GPC6: variants seen among roughly 807,000 people sequenced by gnomAD.
GPC6 encodes the protein glypican 6, also known as glypican-6.
In GPC6, 14 loss-of-function variants were observed where a neutral mutation model predicts 55.2. That is an observed-to-expected ratio of 0.25 (90% CI 0.17 to 0.40). The LOEUF is 0.40. Ranked by LOEUF, GPC6 falls within the 10% of genes least tolerant of loss-of-function variation. The pLI is 1.00. For missense variants in GPC6, 641 were observed against 708.5 expected, an observed-to-expected ratio of 0.90 and a Z score of 1.08; for synonymous variants, 278 against 259.6, an observed-to-expected ratio of 1.07 and a Z score of -0.68.
Position 93,658,874 on chromosome 13 carries a change from A to G in GPC6, c.319+113453A>G, listed in dbSNP as rs191739135. Among the ~76,000 whole-genome samples, 362 of 152,010 alleles carry G rather than the reference A, an allele frequency of 2.4e-3. 2 individuals carry two copies. The Middle Eastern group carries it at 0.034, about 14-fold the overall frequency. On this transcript the variant is annotated intron_variant, in intron 2 of 8. Coordinates refer to ENST00000377047, the MANE Select transcript of GPC6 (RefSeq NM_005708.5). ...ATGATTGTCAGATTTCAGTATCAGC[A>G]TTATACGAGACTCATAAAATGAGTT...
chr13:94,113,042 T>G (rs1886306820), intron 4 of GPC6, among the ~76,000 whole-genome samples: 1 of 152,136 alleles, frequency 6.6e-6, no homozygotes, highest in South Asian at 2.1e-4. Flanking sequence ...CATAAAATGT[T>G]TTTTGAAAGA....
chr13:93,463,286 AAAAG>A (rs1334377823), intron 1 of GPC6, among the ~76,000 whole-genome samples: 6 of 152,206 alleles, frequency 3.9e-5, no homozygotes, highest in Non-Finnish European at 8.8e-5. Context: ...TTAATTGAAG[AAAAG>A]AAAGAAATAA....
At chr13:94,155,778 C>A (rs1459143701) in intron 4 of GPC6, among the ~76,000 whole-genome samples, 2 of 152,176 alleles carry the variant, frequency 1.3e-5, no homozygotes, top group African/African-American at 4.8e-5. Context: ...TTGACATAGA[C>A]ATTCGCCACC....
chr13:93,311,618 G>A (rs889662732), intron 1 of GPC6, among the ~76,000 whole-genome samples: 13 of 152,120 alleles, frequency 8.5e-5, no homozygotes, highest in Admixed American at 5.2e-4. Context: ...CTTTAAATTT[G>A]GGATTAATTT....
chr13:93,935,931 T>C (rs1878415164), intron 3 of GPC6, among the ~76,000 whole-genome samples: 3 of 152,304 alleles, frequency 2.0e-5, no homozygotes, highest in Admixed American at 2.0e-4. Context: ...CTCTGGATTT[T>C]TATCAGATTC....
intron 1 of GPC6, among the ~76,000 whole-genome samples, chr13:93,368,366 TTCCTTCCTTCCTTCCTTCCTTCCG>T (rs1288153446): frequency 9.1e-5 from 11 of 120,676 alleles, no homozygotes; most frequent in Non-Finnish European, 1.7e-4. Flanking sequence ...CCTTCCTTCC[TTCCTTCCTTCCTTCCTTCCTTCCG>T]TCCTTCCTTC....
At chr13:93,620,745 C>A (rs956268197) in intron 2 of GPC6, among the ~76,000 whole-genome samples, 1 of 152,150 alleles carries the variant, frequency 6.6e-6, no homozygotes, top group African/African-American at 2.4e-5. Context: ...GCAGAATTCC[C>A]TTTGATGAAC....
intron 4 of GPC6, among the ~76,000 whole-genome samples, chr13:94,082,834 A>T (rs1594721719): frequency 6.6e-6 from 1 of 152,336 alleles, no homozygotes; most frequent in South Asian, 2.1e-4. Context: ...TCCTGTAAAC[A>T]GTCACGGACA....
intron 1 of GPC6, among the ~76,000 whole-genome samples, chr13:93,487,446 G>A (rs1235929375): frequency 2.6e-5 from 4 of 152,004 alleles, no homozygotes; most frequent in Admixed American, 6.6e-5. Context: ...GCTAGTAAAC[G>A]TGTGTTATTA....
intron 2 of GPC6, among the ~76,000 whole-genome samples, chr13:93,729,053 T>G (rs1025066567): frequency 5.3e-5 from 8 of 152,154 alleles, no homozygotes; most frequent in African/African-American, 1.7e-4. Flanking sequence ...AGAATAAAAA[T>G]AATAAATCCT....
chr13:93,824,730 C>T (rs970081284), intron 2 of GPC6, among the ~76,000 whole-genome samples: 6 of 151,938 alleles, frequency 3.9e-5, no homozygotes, highest in Non-Finnish European at 7.4e-5. Flanking sequence ...CAGTTATGTC[C>T]TGTTCTAAGA....
At chr13:93,763,487 T>G (rs1233611716) in intron 2 of GPC6, among the ~76,000 whole-genome samples, 3 of 152,176 alleles carry the variant, frequency 2.0e-5, no homozygotes, top group African/African-American at 7.2e-5. Context: ...CCCAGCTGTT[T>G]CCCTGCACCT....
At chr13:94,030,451 G>C (rs1883082042) in intron 4 of GPC6, among the ~76,000 whole-genome samples, 1 of 152,174 alleles carries the variant, frequency 6.6e-6, no homozygotes, top group Admixed American at 6.5e-5. Flanking sequence ...ATACTTGTCT[G>C]GGTGTGAAGT....
chr13:93,647,430 A>T (rs1368532783), intron 2 of GPC6, among the ~76,000 whole-genome samples: 1 of 152,162 alleles, frequency 6.6e-6, no homozygotes, highest in East Asian at 1.9e-4. Flanking sequence ...CACAAGGTGG[A>T]AAGTGAGAAA....
intron 1 of GPC6, among the ~76,000 whole-genome samples, chr13:93,393,471 T>C (rs1327860519): frequency 1.3e-5 from 2 of 152,084 alleles, no homozygotes; most frequent in Non-Finnish European, 2.9e-5. Context: ...GTGACCCGTT[T>C]GAGAACATTA....
At chr13:94,160,915 C>A (rs1467127462) in intron 4 of GPC6, among the ~76,000 whole-genome samples, 1 of 152,124 alleles carries the variant, frequency 6.6e-6, no homozygotes, top group East Asian at 1.9e-4. Flanking sequence ...TAACTTTTTA[C>A]CCTTAAGTTC....
chr13:93,903,631 G>A (rs1876480340), intron 3 of GPC6, among the ~76,000 whole-genome samples: 1 of 152,154 alleles, frequency 6.6e-6, no homozygotes, highest in African/African-American at 2.4e-5. Context: ...AATGGAGCCT[G>A]TGCTGCTTAT....
At position 93,364,332 on chromosome 13, in the gene GPC6, T is replaced by C. The variant is rs960852436; in HGVS notation, c.160+136716T>C. On this transcript the variant is annotated intron_variant, in intron 1 of 8. Coordinates refer to ENST00000377047, the MANE Select transcript of GPC6 (RefSeq NM_005708.5). ...TCATAAGCAGAGCTGAACAGTAAAG[T>C]TCATGGAGAATGTATGTTATCTATC... is the stretch of plus-strand genomic sequence containing the variant. 1.9e-4 allele frequency among the ~76,000 whole-genome samples: 29 copies of C among 152,122 alleles called. 1 individual carries two copies. The highest frequency in any genetic ancestry group is 6.3e-4 in the African/African-American group (26 of 41,444).
intron 4 of GPC6, among the ~76,000 whole-genome samples, chr13:94,176,170 AT>A (rs1201784765): frequency 2.6e-5 from 4 of 151,850 alleles, no homozygotes; most frequent in Non-Finnish European, 5.9e-5. Context: ...TAATCTCATA[AT>A]TTTTTTTCAA....
Sources: allele counts gnomAD v4.1 joint callset (sites outside exome capture counted in the v4.1 genomes callset), GRCh38; gene constraint gnomAD v4.1.1; transcripts MANE v1.5; gene names NCBI Gene and HGNC (gene_info 2026-07-23, HGNC 2026-07-21).